ITGA1: variants seen among roughly 807,000 people sequenced by gnomAD.
The protein encoded by ITGA1 is integrin subunit alpha 1, also known as integrin alpha-1.
Under a neutral mutation model 145.9 loss-of-function variants are expected in ITGA1, and 85 were observed. That is an observed-to-expected ratio of 0.58 (90% confidence interval 0.49 to 0.70). The LOEUF (loss-of-function observed/expected upper bound fraction) is 0.70. ITGA1 is among the 30% of genes least tolerant of loss of function. The pLI is 0.00. For synonymous variants in ITGA1, 520 were observed against 495.3 expected, an observed-to-expected ratio of 1.05 and a Z score of -0.66; for missense variants, 1,351 against 1,418.7, an observed-to-expected ratio of 0.95 and a Z score of 0.77.
chr5:52,853,816 G>T (rs1749464988), intron 2 of ITGA1, among the ~76,000 whole-genome samples: 2 of 152,320 alleles, frequency 1.3e-5, no homozygotes. Flanking sequence ...TGGTTCAGAA[G>T]AATTCAGAAA....
intron 1 of ITGA1, among the ~76,000 whole-genome samples, chr5:52,841,642 A>G (rs1749255043): frequency 6.6e-6 from 1 of 152,236 alleles, no homozygotes; most frequent in African/African-American, 2.4e-5. Flanking sequence ...TAAGACTAAT[A>G]TTATAAAGTT....
chr5:52,816,638 T>C (rs1205044809), intron 1 of ITGA1, among the ~76,000 whole-genome samples: 1 of 152,084 alleles, frequency 6.6e-6, no homozygotes, highest in Non-Finnish European at 1.5e-5. Flanking sequence ...CTCTTAGAGA[T>C]TGGGGTCCTG....
In ITGA1 at chr5:52,835,876, A is replaced by G. The variant is rs7723286; in HGVS notation, c.62-13489A>G. On this transcript the variant is annotated intron_variant, in intron 1 of 28. Transcript: ENST00000282588. ...AGAAAGCTTTCGAAAATTGCAATAC[A>G]TAAGGAAAATTGTCCAATGCACATT... Among the ~76,000 whole-genome samples the G allele has an allele frequency of 2.7e-3, 405 of 152,342 alleles. 1 individual carries two copies. Among genetic ancestry groups the G allele is most frequent in the African/African-American group, 9.3e-3 (387 of 41,580 alleles).
intron 1 of ITGA1, chr5:52,802,745 C>T (rs575426873): frequency 6.6e-6 from 1 of 152,096 alleles, no homozygotes; most frequent in African/African-American, 2.4e-5. Flanking sequence ...TTGTATGTGG[C>T]ATTAATTTGG....
At chr5:52,801,027 A>G in intron 1 of ITGA1, 1 of 1,614,128 alleles carries the variant, frequency 6.2e-7, no homozygotes, top group African/African-American at 1.3e-5. Flanking sequence ...CCAGCCCAGG[A>G]TTTGTGAGGG....
At chr5:52,952,119 G>T (rs536023092) in intron 28 of ITGA1, among the ~76,000 whole-genome samples, 1 of 151,918 alleles carries the variant, frequency 6.6e-6, no homozygotes, top group East Asian at 1.9e-4. Context: ...GAACCCGGGT[G>T]GCGGAGGTTG....
At chr5:52,807,561 T>TA (rs1164267925) in intron 1 of ITGA1, among the ~76,000 whole-genome samples, 21 of 151,612 alleles carry the variant, frequency 1.4e-4, no homozygotes, top group South Asian at 2.1e-4. Context: ...AACATGTATC[T>TA]AAAAATAAAA....
chr5:52,888,872 T>C (rs554508199), intron 8 of ITGA1, among the ~76,000 whole-genome samples: 1 of 152,320 alleles, frequency 6.6e-6, no homozygotes, highest in South Asian at 2.1e-4. Flanking sequence ...GCAAAGTGGC[T>C]TAAAGTCCTC....
intron 5 of ITGA1, among the ~76,000 whole-genome samples, chr5:52,865,313 G>T (rs1371810402): frequency 6.6e-6 from 1 of 152,246 alleles, no homozygotes; most frequent in South Asian, 2.1e-4. Context: ...CATAGATAAA[G>T]CTGTCATGCT....
chr5:52,867,327 G>T (rs1749703477), intron 6 of ITGA1: 1 of 152,084 alleles, frequency 6.6e-6, no homozygotes, highest in Non-Finnish European at 1.5e-5. Flanking sequence ...TGAGTGGAAG[G>T]GTAAGGTTAT....
chr5:52,832,764 T>A (rs1749090844), intron 1 of ITGA1, among the ~76,000 whole-genome samples: 1 of 117,172 alleles, frequency 8.5e-6, no homozygotes, highest in African/African-American at 3.5e-5. Flanking sequence ...AATATATAAA[T>A]CTGTGTGTGT....
intron 1 of ITGA1, 103 bp downstream of exon 1, chr5:52,788,517 GC>G: frequency 2.0e-6 from 2 of 1,001,760 alleles, no homozygotes; most frequent in Non-Finnish European, 2.7e-6. Flanking sequence ...AAGAGAGAGC[GC>G]CCATCCACTT....
intron 2 of ITGA1, among the ~76,000 whole-genome samples, chr5:52,854,852 T>C (rs1359926714): frequency 1.3e-5 from 2 of 152,176 alleles, no homozygotes; most frequent in Non-Finnish European, 2.9e-5. Context: ...AAAGTGTTTC[T>C]CTCACTTTGA....
intron 1 of ITGA1, among the ~76,000 whole-genome samples, chr5:52,815,853 A>C (rs1748758946): frequency 6.6e-6 from 1 of 152,220 alleles, no homozygotes; most frequent in Admixed American, 6.5e-5. Context: ...TAGAAAATAA[A>C]ATTAGTAATA....
At chr5:52,916,116 A>G (rs1208937567) in intron 15 of ITGA1, among the ~76,000 whole-genome samples, 1 of 152,206 alleles carries the variant, frequency 6.6e-6, no homozygotes, top group East Asian at 1.9e-4. Context: ...ACATACATTC[A>G]TAATGCTTTA....
intron 27 of ITGA1, among the ~76,000 whole-genome samples, 178 bp from the exon 28 acceptor site, chr5:52,947,167 G>C (rs574944453): frequency 3.3e-5 from 5 of 151,704 alleles, no homozygotes; most frequent in African/African-American, 1.2e-4. Flanking sequence ...TAATAAATTT[G>C]ACATAGTTAG....
intron 1 of ITGA1, among the ~76,000 whole-genome samples, chr5:52,820,342 G>C: frequency 9.5e-6 from 1 of 104,756 alleles, no homozygotes; most frequent in East Asian, 3.0e-4. Context: ...TTGGACACAG[G>C]AAGGGGAACA....
chr5:52,795,402 C>T (rs62358386), intron 1 of ITGA1, among the ~76,000 whole-genome samples: 25,386 of 151,644 alleles, frequency 0.17, 2,942 homozygotes, highest in Non-Finnish European at 0.24. Flanking sequence ...TATACAGCCC[C>T]GACTGTTTAA....
chr5:52,941,427 C>A (rs1352435951), intron 26 of ITGA1, among the ~76,000 whole-genome samples: 1 of 152,166 alleles, frequency 6.6e-6, no homozygotes, highest in Non-Finnish European at 1.5e-5. Flanking sequence ...GCTGCCTCAC[C>A]ATTTTCTGTT....
Sources: gnomAD v4.1 joint callset for allele counts (sites outside exome capture counted in the v4.1 genomes callset) on GRCh38, gnomAD v4.1.1 for gene constraint, MANE v1.5 for transcripts, NCBI Gene and HGNC (gene_info 2026-07-23, HGNC 2026-07-21) for gene names.